Variants in GCNT1 observed in about 807,000 individuals in gnomAD.
The protein encoded by GCNT1 is glucosaminyl (N-acetyl) transferase 1, also known as beta-1,3-galactosyl-O-glycosyl-glycoprotein beta-1,6-N-acetylglucosaminyltransferase.
A neutral mutation model predicts 26.2 loss-of-function variants in GCNT1; 16 were observed. That is an observed-to-expected ratio of 0.61 (90% CI 0.41 to 0.93). The LOEUF (loss-of-function observed/expected upper bound fraction) is 0.93. Among genes scored for constraint, GCNT1 ranks in the 40% least tolerant of loss-of-function variants. The probability of loss-of-function intolerance (pLI) is 0.00; values close to 1 mark genes in which losing one functional copy is unlikely to be tolerated. For synonymous variants in GCNT1, 183 were observed against 190.8 expected, an observed-to-expected ratio of 0.96 and a Z score of 0.34; for missense variants, 477 against 526.7, an observed-to-expected ratio of 0.91 and a Z score of 0.92.
chr9:76,472,077 A>C (rs1218481240), intron 2 of GCNT1, among the ~76,000 whole-genome samples: 3 of 152,166 alleles, frequency 2.0e-5, no homozygotes, highest in Non-Finnish European at 4.4e-5. Flanking sequence ...GGAGTTCGAG[A>C]CCAGCCTGGC....
intron 1 of GCNT1, among the ~76,000 whole-genome samples, chr9:76,436,314 C>T (rs147185532): frequency 2.0e-5 from 3 of 151,956 alleles, no homozygotes; most frequent in African/African-American, 7.3e-5. Context: ...GGAAATTACA[C>T]CATTTCCCTG....
At chr9:76,501,559 C>T (rs1297178746) in intron 3 of GCNT1, among the ~76,000 whole-genome samples, 1 of 152,188 alleles carries the variant, frequency 6.6e-6, no homozygotes, top group African/African-American at 2.4e-5. Context: ...GAACTAAACT[C>T]ATTGTGGGAC....
At chr9:76,476,788 A>C (rs564602677) in intron 2 of GCNT1, among the ~76,000 whole-genome samples, 74 of 152,334 alleles carry the variant, frequency 4.9e-4, no homozygotes, top group African/African-American at 1.8e-3. Flanking sequence ...TTGTTCTTTT[A>C]TCTCTAAACT....
intron 3 of GCNT1, 66 bp from the exon 4 acceptor site, chr9:76,502,173 C>T (rs1287326102): frequency 8.8e-6 from 1 of 113,386 alleles, no homozygotes; most frequent in Non-Finnish European, 1.5e-5. Flanking sequence ...CTCTCTCTCT[C>T]TCTCTGTATA....
intron 2 of GCNT1, among the ~76,000 whole-genome samples, chr9:76,467,260 T>C (rs1564234021): frequency 6.6e-6 from 1 of 152,180 alleles, no homozygotes; most frequent in Non-Finnish European, 1.5e-5. Context: ...GCCAGGATGG[T>C]CTCAATCTCC....
chr9:76,469,868 A>G (rs1281885556), intron 2 of GCNT1, among the ~76,000 whole-genome samples: 1 of 152,160 alleles, frequency 6.6e-6, no homozygotes, highest in Admixed American at 6.5e-5. Flanking sequence ...ATGGCCCAAG[A>G]TTCCATTCCT....
At chr9:76,394,032 G>A in the GCNT1 span, 3 of 1,509,962 alleles carry the variant, frequency 2.0e-6, no homozygotes, top group Non-Finnish European at 2.7e-6. Context: ...CCCGGCTGCC[G>A]TCTCTCCCCG....
Position 76,502,380 on chromosome 9 carries a change from A to G in GCNT1, c.-2A>G. ...AAAGGAAATCCCTGATTATTGTTTG[A>G]AATGCTGAGGACGTTGCTGCGAAGG... On this transcript the variant is annotated 5_prime_UTR_variant, in exon 4 of 4. It removes the in-frame stop codon of an upstream open reading frame in the 5' UTR. Transcript: ENST00000376730. 6.2e-7 allele frequency: 1 copy of G among 1,602,400 alleles called. No individual in the cohort carries two copies. Among genetic ancestry groups the G allele is most frequent in the Non-Finnish European group, 8.5e-7 (1 of 1,171,098 alleles).
intron 2 of GCNT1, among the ~76,000 whole-genome samples, chr9:76,499,526 T>G (rs1403794880): frequency 6.6e-6 from 1 of 152,234 alleles, no homozygotes; most frequent in Non-Finnish European, 1.5e-5. Context: ...TGTTGTATAA[T>G]CACTTTTCTT....
At chr9:76,478,314 C>A (rs1824309754) in intron 2 of GCNT1, among the ~76,000 whole-genome samples, 1 of 152,112 alleles carries the variant, frequency 6.6e-6, no homozygotes, top group Non-Finnish European at 1.5e-5. Context: ...AGACTATGAA[C>A]CCACTGAGAG....
In GCNT1 at chr9:76,503,153, C is replaced by T. The variant is rs368265529; in HGVS notation, c.772C>T (p.Arg258Trp). The T allele has an allele frequency of 1.3e-5, 21 of 1,614,076 alleles. No individual in the cohort carries two copies. In the South Asian group the frequency reaches 1.8e-4, roughly 14 times the overall value. ...PSHKEERWKKRYEVVNGKLTN... is the reference protein window; with the variant it reads ...PSHKEERWKKWYEVVNGKLTN... ...CCATAAAGAAGAAAGGTGGAAGAAG[C>T]GGTATGAGGTCGTTAATGGAAAGCT... Residue 258 changes from arginine to tryptophan, a missense_variant, in exon 4 of 4, where the codon CGG (arginine) becomes TGG (tryptophan). Coordinates refer to ENST00000376730, the MANE Select transcript of GCNT1 (RefSeq NM_001490.5).
chr9:76,424,934 T>A (rs907225006), intron 1 of GCNT1, among the ~76,000 whole-genome samples: 1 of 151,964 alleles, frequency 6.6e-6, no homozygotes, highest in Admixed American at 6.6e-5. Context: ...TGTCAGGAGA[T>A]TGAGACCATC....
intron 2 of GCNT1, among the ~76,000 whole-genome samples, chr9:76,467,066 G>A (rs189049997): frequency 6.7e-6 from 1 of 150,346 alleles, no homozygotes; most frequent in Non-Finnish European, 1.5e-5. Flanking sequence ...TCTTTGAGAT[G>A]GAGTCTTGCT....
At chr9:76,495,187 T>G (rs1824872384) in intron 2 of GCNT1, among the ~76,000 whole-genome samples, 2 of 152,166 alleles carry the variant, frequency 1.3e-5, no homozygotes, top group South Asian at 4.1e-4. Flanking sequence ...CATTGGTTCC[T>G]TCTGGTGGAT....
At chr9:76,497,458 T>C (rs1480749729) in intron 2 of GCNT1, among the ~76,000 whole-genome samples, 1 of 152,162 alleles carries the variant, frequency 6.6e-6, no homozygotes, top group East Asian at 1.9e-4. Context: ...TGATGATAAA[T>C]AGACAAAATC....
intron 2 of GCNT1, among the ~76,000 whole-genome samples, chr9:76,462,142 TA>T (rs936766802): frequency 2.8e-5 from 2 of 71,000 alleles, no homozygotes; most frequent in African/African-American, 7.0e-5. Flanking sequence ...AGCTATACTG[TA>T]TTTTTTTTTT....
intron 2 of GCNT1, among the ~76,000 whole-genome samples, chr9:76,472,951 G>T (rs961912109): frequency 6.6e-6 from 1 of 152,010 alleles, no homozygotes; most frequent in Non-Finnish European, 1.5e-5. Context: ...GTTTCACCAC[G>T]TTGGCCGGGG....
chr9:76,457,676 A>T (rs1351838365), upstream of GCNT1, among the ~76,000 whole-genome samples: 1 of 152,258 alleles, frequency 6.6e-6, no homozygotes, highest in East Asian at 1.9e-4. Context: ...ACCAAAAAAG[A>T]TTTTTAAAAC....
chr9:76,448,649 C>G (rs113773125), intron 1 of GCNT1, among the ~76,000 whole-genome samples: 33 of 152,152 alleles, frequency 2.2e-4, no homozygotes, highest in African/African-American at 7.7e-4. Flanking sequence ...AACAACTGCT[C>G]TCCTTTCTGT....
Sources: allele counts gnomAD v4.1 joint callset (sites outside exome capture counted in the v4.1 genomes callset), GRCh38; gene constraint gnomAD v4.1.1; transcripts MANE v1.5; gene names NCBI Gene and HGNC (gene_info 2026-07-23, HGNC 2026-07-21).